The following SNAP47 variants were observed in gnomAD, a reference collection of about 807,000 sequenced individuals.
SNAP47 encodes the protein synaptosome associated protein 47.
A neutral mutation model predicts 31.4 loss-of-function variants in SNAP47; 20 were observed. The ratio of observed to expected loss-of-function variants is 0.64; its 90% confidence interval spans 0.45 to 0.93. The LOEUF is 0.93. Among genes scored for constraint, SNAP47 ranks in the 40% least tolerant of loss-of-function variants. SNAP47 has a pLI of 0.00. For missense variants in SNAP47, 492 were observed against 528.5 expected, an observed-to-expected ratio of 0.93 and a Z score of 0.68; for synonymous variants, 194 against 213.4, an observed-to-expected ratio of 0.91 and a Z score of 0.79.
chr1:227,733,256 CAG>C, upstream of SNAP47: 1 of 919,858 alleles, frequency 1.1e-6, no homozygotes, highest in South Asian at 1.8e-5. Context: ...GTGGGTGAAA[CAG>C]AGGCTAGGCC....
In SNAP47 at chr1:227,741,524, A is replaced by G. The variant is rs1294015192; in HGVS notation, c.-46+6025A>G. 6.6e-6 allele frequency among the ~76,000 whole-genome samples: 1 copy of G among 152,154 alleles called. No individual in the cohort carries two copies. The highest frequency in any genetic ancestry group is 2.4e-5 in the African/African-American group (1 of 41,422). On this transcript the variant is annotated intron_variant, in intron 1 of 4. Transcript: ENST00000617596. The surrounding 1 kb of genome is among the most constrained non-coding windows in gnomAD (Gnocchi z 4.2). ...TGTGTGGCCACTTTCATTCCACCCC[A>G]GCAGAGCTGTGTAGTGGTGACGGAG... is the stretch of plus-strand genomic sequence containing the variant.
rs1664421858 is a variant in SNAP47, at chr1:227,780,879, G to A, written c.*206G>A. The A allele has an allele frequency of 3.1e-6, 2 of 639,608 alleles. No individual in the cohort carries two copies. Among genetic ancestry groups the A allele is most frequent in the Admixed American group, 3.0e-5 (1 of 33,286 alleles). The allele number at this position is 639,608 out of a possible 1,614,324, so 39.6% of individuals were successfully genotyped here. A position where few individuals can be genotyped will look rare whatever the true frequency, so the allele number is the denominator to read the frequency against. On this transcript the variant is annotated 3_prime_UTR_variant, in exon 5 of 5. Transcript: ENST00000617596. ...TCCCACTTGGCTGTCCCTGCTGCTG[G>A]GCAGGACCCGGCCACATGTTCTGCG...
intron 3 of SNAP47, among the ~76,000 whole-genome samples, chr1:227,766,503 C>A (rs1485276724): frequency 6.6e-6 from 1 of 152,202 alleles, no homozygotes. Context: ...TGACTCACCT[C>A]CCACCTCGGT....
rs1662250640 is a variant in SNAP47 at position 227,750,086 on chromosome 1, G to GT, written c.497+1855dup. Among the ~76,000 whole-genome samples, 3 of 152,350 alleles carry GT rather than the reference G, an allele frequency of 2.0e-5. No homozygotes were observed. The South Asian group carries it at 6.2e-4, about 32-fold the overall frequency. Reference sequence around the variant, plus strand: ...ATTGGTGCATCAGTATTGCATGCAGGTTAGTTGGACTGAGGTCACATCTTG... The same window carrying GT: ...ATTGGTGCATCAGTATTGCATGCAGGTTTAGTTGGACTGAGGTCACATCTTG... On this transcript the variant is annotated intron_variant, in intron 2 of 4. Transcript: ENST00000617596.
rs746201803 is a variant in SNAP47 at position 227,747,826 on chromosome 1, A to G, written c.90A>G (p.Thr30=). The G allele has an allele frequency of 3.1e-6, 5 of 1,614,174 alleles. No homozygotes were observed. Among genetic ancestry groups the G allele is most frequent in the African/African-American group, 1.3e-5 (1 of 75,044 alleles). The change falls in exon 2 of 5, where the codon ACA becomes ACG. Residue 30 remains threonine, a synonymous_variant. Coordinates refer to ENST00000617596, the MANE Select transcript of SNAP47 (RefSeq NM_053052.4). ...RRWVTGQLSL[T]SLSLRFMTDS... ...GGGTTACTGGACAGCTGTCCTTAAC[A>G]TCGCTGTCGCTCAGGTTCATGACTG...
chr1:227,741,554 T>C lies in SNAP47; in HGVS notation c.-46+6055T>C, dbSNP rs1394069557. ...AGCTGTGTAGTGGTGACGGAGACCA[T>C]GCGTGGTCCTTCACGGAGAGTGCAG... On this transcript the variant is annotated intron_variant, in intron 1 of 4. Coordinates refer to ENST00000617596, the MANE Select transcript of SNAP47 (RefSeq NM_053052.4). The surrounding 1 kb of genome is among the most constrained non-coding windows in gnomAD (Gnocchi z 4.2). 6.6e-6 allele frequency among the ~76,000 whole-genome samples: 1 copy of C among 152,168 alleles called. No individual in the cohort carries two copies. The highest frequency in any genetic ancestry group is 6.5e-5 in the Admixed American group (1 of 15,288).
rs146707734 is a variant in SNAP47, at chr1:227,742,894, G to T, written c.-45-4798G>T. Among the ~76,000 whole-genome samples, 33 of 152,352 alleles carry T rather than the reference G, an allele frequency of 2.2e-4. No homozygotes were observed. The East Asian group carries it at 5.4e-3, about 25-fold the overall frequency. ...GTGTCCCCATAGTCCAGAGCCTGCT[G>T]GGTGGCCTTGCAGCTGCTGTGGCAG... On this transcript the variant is annotated intron_variant, in intron 1 of 4. Transcript: ENST00000617596.
Position 227,735,499 on chromosome 1 carries a change from G to C in SNAP47, c.-46G>C, listed in dbSNP as rs1661064126. 7.1e-7 allele frequency: 1 copy of C among 1,404,474 alleles called. No homozygotes were observed. The highest frequency in any genetic ancestry group is 1.5e-5 in the African/African-American group (1 of 66,368). 87.0% of individuals were successfully genotyped at this position (1,404,474 alleles called of 1,614,324 possible). A position where few individuals can be genotyped will look rare whatever the true frequency, so the allele number is the denominator to read the frequency against. On this transcript the variant is annotated splice_region_variant and 5_prime_UTR_variant, in exon 1 of 5. Coordinates refer to ENST00000617596, the MANE Select transcript of SNAP47 (RefSeq NM_053052.4). ...TCTGGGACTCGTCTGGCGTCCCTCAGGTGAGCGACGGTGTTGGTCTGTTGG... is the reference window on the plus strand; with the variant it reads ...TCTGGGACTCGTCTGGCGTCCCTCACGTGAGCGACGGTGTTGGTCTGTTGG...
In SNAP47 at chr1:227,739,619, C is replaced by T. The variant is rs761456004; in HGVS notation, c.-46+4120C>T. On this transcript the variant is annotated intron_variant, in intron 1 of 4. Transcript: ENST00000617596. ...GTGCAAGATGTTTGTTCTGTGACTG[C>T]GGAAATTAACTAAAAATAAGTTGTT... Among the ~76,000 whole-genome samples the T allele has an allele frequency of 2.2e-4, 33 of 152,182 alleles. 1 individual carries two copies. Among genetic ancestry groups the T allele is most frequent in the Admixed American group, 1.0e-3 (16 of 15,282 alleles).
At chr1:227,777,111 A>T (rs865941149) in intron 4 of SNAP47, 9 of 897,008 alleles carry the variant, frequency 1.0e-5, no homozygotes, top group East Asian at 3.9e-4. Flanking sequence ...GTCTTTTTTA[A>T]AAAAAAAAGT....
chr1:227,752,259 T>C (rs921201671), intron 2 of SNAP47, among the ~76,000 whole-genome samples: 13 of 152,166 alleles, frequency 8.5e-5, no homozygotes, highest in African/African-American at 3.1e-4. Context: ...CTTTTTTTCC[T>C]TGAGAATGTT....
rs1664424300 is a variant in SNAP47, at chr1:227,780,906, A to G, written c.*233A>G. ...CAGGACCCGGCCACATGTTCTGCGG[A>G]TGCTGCAGAAGTGTGGACCATGGCG... On this transcript the variant is annotated 3_prime_UTR_variant, in exon 5 of 5. Transcript: ENST00000617596. 1.7e-6 allele frequency: 1 copy of G among 584,088 alleles called. No homozygotes were observed. The highest frequency in any genetic ancestry group is 3.1e-5 in the Admixed American group (1 of 32,224). The allele number at this position is 584,088 out of a possible 1,614,324, so 36.2% of individuals were successfully genotyped here.
chr1:227,747,604 A>G, intron 1 of SNAP47, 88 bp from the exon 2 acceptor site: 1 of 1,378,324 alleles, frequency 7.3e-7, no homozygotes, highest in Non-Finnish European at 9.9e-7. Flanking sequence ...GTGAGCCCAG[A>G]GCCGCAGGGG....
intron 1 of SNAP47, among the ~76,000 whole-genome samples, chr1:227,736,691 T>TG (rs1217077761): frequency 9.0e-5 from 13 of 145,162 alleles, no homozygotes; most frequent in African/African-American, 2.3e-4. Flanking sequence ...TTTTTGTTTT[T>TG]TTTTTTTTTT....
intron 1 of SNAP47, among the ~76,000 whole-genome samples, chr1:227,743,348 G>A (rs1661743698): frequency 6.6e-6 from 1 of 152,178 alleles, no homozygotes; most frequent in Admixed American, 6.5e-5. Context: ...CAGGGAGAGT[G>A]CGAGGTGCTT....
chr1:227,735,677 G>T (rs1243282200), intron 1 of SNAP47, 178 bp downstream of exon 1: 2 of 984,850 alleles, frequency 2.0e-6, no homozygotes, highest in African/African-American at 1.7e-5. Context: ...GGTTCTGGGG[G>T]CGGGAGTGCG....
chr1:227,757,841 T>G (rs1171997664), intron 2 of SNAP47, among the ~76,000 whole-genome samples: 1 of 152,258 alleles, frequency 6.6e-6, no homozygotes, highest in Non-Finnish European at 1.5e-5. Flanking sequence ...CTAATAATTC[T>G]AATAGGCTGG....
chr1:227,772,329 C>T (rs945340623), intron 4 of SNAP47, among the ~76,000 whole-genome samples: 7 of 152,222 alleles, frequency 4.6e-5, no homozygotes, highest in African/African-American at 9.6e-5. Context: ...CACGAACCCA[C>T]GTTTCTGCCC....
At chr1:227,733,385 G>T, upstream of SNAP47, 1 of 1,560,356 alleles carries the variant, frequency 6.4e-7, no homozygotes, top group Non-Finnish European at 8.7e-7. Flanking sequence ...GAAGGCCCCT[G>T]ATAGGGGGCA....
Sources: gnomAD v4.1 joint callset for allele counts (sites outside exome capture counted in the v4.1 genomes callset) on GRCh38, gnomAD v4.1.1 for gene constraint, Gnocchi (gnomAD v3.1) non-coding constraint, MANE v1.5 for transcripts, NCBI Gene and HGNC (gene_info 2026-07-23, HGNC 2026-07-21) for gene names.